The following FANCL variants were observed in gnomAD, a reference collection of about 807,000 sequenced individuals.
FANCL encodes E3 ubiquitin-protein ligase FANCL.
Under a neutral mutation model 59.4 loss-of-function variants are expected in FANCL, and 69 were observed. The ratio of observed to expected loss-of-function variants is 1.16; its 90% confidence interval spans 0.96 to 1.42. The LOEUF (loss-of-function observed/expected upper bound fraction) is 1.42, where lower values mean the gene tolerates loss of function less well. FANCL is among the 40% of genes most tolerant of loss of function. The probability of loss-of-function intolerance (pLI) is 0.00; values close to 1 mark genes in which losing one functional copy is unlikely to be tolerated. For missense variants in FANCL, 519 were observed against 447.2 expected (o/e 1.16, Z -1.45); for synonymous variants, 180 against 147.1 (o/e 1.22, Z -1.62).
At position 58,211,052 on chromosome 2, in the gene FANCL, T is replaced by C. The variant is rs542325969; in HGVS notation, c.375-6826A>G. 5.3e-5 allele frequency among the ~76,000 whole-genome samples: 8 copies of C among 152,298 alleles called. No homozygotes were observed. The South Asian group carries it at 1.7e-3, about 32-fold the overall frequency. The stretch of plus-strand genomic sequence containing the variant: ...GGTGGCCCTCTTCTCACAGCTACAC[T>C]AGGCGGTGCCTCAGTAGGGACTCTG... On this transcript the variant is annotated intron_variant, in intron 5 of 13. Coordinates refer to ENST00000233741, the MANE Select transcript of FANCL (RefSeq NM_018062.4).
At chr2:58,236,640 A>T (rs1239749504) in intron 1 of FANCL, among the ~76,000 whole-genome samples, 1 of 152,084 alleles carries the variant, frequency 6.6e-6, no homozygotes, top group Non-Finnish European at 1.5e-5. Context: ...ATGAATAACC[A>T]CGTTAAATGT....
intron 7 of FANCL, among the ~76,000 whole-genome samples, chr2:58,187,119 T>A (rs927740523): frequency 7.2e-5 from 11 of 152,130 alleles, no homozygotes; most frequent in African/African-American, 1.9e-4. Context: ...TGCACACATA[T>A]GTTTATTGCG....
At chr2:58,194,927 A>G (rs1024532802) in intron 7 of FANCL, among the ~76,000 whole-genome samples, 1 of 50,216 alleles carries the variant, frequency 2.0e-5, no homozygotes, top group Non-Finnish European at 3.2e-5. Context: ...ATTATATCAC[A>G]AAAAAAAAAG....
intron 11 of FANCL, 137 bp from the exon 12 acceptor site, chr2:58,161,775 A>G (rs1685218722): frequency 4.6e-6 from 3 of 656,870 alleles, no homozygotes; most frequent in Non-Finnish European, 8.3e-6. Context: ...TAAGATATTC[A>G]TCACCTCAAC....
At chr2:58,194,795 C>T (rs1040337548) in intron 7 of FANCL, among the ~76,000 whole-genome samples, 10 of 151,848 alleles carry the variant, frequency 6.6e-5, no homozygotes, top group African/African-American at 2.4e-4. Context: ...GTCAGAGCAG[C>T]AGCAGCAGAC....
At chr2:58,165,703 C>A (rs755502639) in intron 8 of FANCL, 21 bp downstream of exon 8, 9 of 1,613,926 alleles carry the variant, frequency 5.6e-6, no homozygotes, top group Non-Finnish European at 7.6e-6. Context: ...AAAACAAACC[C>A]TTAATCCTCC....
Position 58,159,317 on chromosome 2 carries a change from C to CT in FANCL, c.*447_*448insA, listed in dbSNP as rs1684665119. The CT allele has an allele frequency of 6.6e-7, 1 of 1,515,382 alleles. No individual in the cohort carries two copies. Among genetic ancestry groups the CT allele is most frequent in the South Asian group, 1.3e-5 (1 of 77,760 alleles). The allele number at this position is 1,515,382 out of a possible 1,614,324, so 93.9% of individuals were successfully genotyped here. A position where few individuals can be genotyped will look rare whatever the true frequency, so the allele number is the denominator to read the frequency against. On this transcript the variant is annotated 3_prime_UTR_variant, in exon 14 of 14. Transcript: ENST00000233741. ...AAATACTTGGATAACTCACGTCTAA[C>CT]AAACTAAACTATATATGTATTTTTT...
chr2:58,174,478 A>T (rs923914865), intron 7 of FANCL, among the ~76,000 whole-genome samples: 1 of 152,372 alleles, frequency 6.6e-6, no homozygotes, highest in South Asian at 2.1e-4. Flanking sequence ...CTCAGGATTA[A>T]GAAACTCACT....
chr2:58,181,604 G>C (rs1687945468), intron 7 of FANCL, among the ~76,000 whole-genome samples: 1 of 151,904 alleles, frequency 6.6e-6, no homozygotes, highest in South Asian at 2.1e-4. Context: ...ACTTTGTATA[G>C]AACTAAAAAT....
rs569778303 is a variant in FANCL at position 58,196,144 on chromosome 2, T to C, written c.540+2450A>G. Reference sequence around the variant, plus strand: ...TAATGTTAAAAAAAGAGACTGCAAATATGGCATAAACAAATATGGCAAAAA... The same window carrying C: ...TAATGTTAAAAAAAGAGACTGCAAACATGGCATAAACAAATATGGCAAAAA... On this transcript the variant is annotated intron_variant, in intron 7 of 13. Transcript: ENST00000233741. 7.2e-5 allele frequency among the ~76,000 whole-genome samples: 11 copies of C among 151,910 alleles called. No homozygotes were observed. In the South Asian group the frequency reaches 2.1e-3, roughly 29 times the overall value.
At chr2:58,186,428 A>G (rs1335819996) in intron 7 of FANCL, among the ~76,000 whole-genome samples, 3 of 152,178 alleles carry the variant, frequency 2.0e-5, no homozygotes, top group African/African-American at 7.2e-5. Context: ...TGTATGGGGA[A>G]AATTTATTGG....
rs761490451 is a variant in FANCL at position 58,204,239 on chromosome 2, G to A, written c.375-13C>T. 5.2e-5 allele frequency: 84 copies of A among 1,603,914 alleles called. No individual in the cohort carries two copies. The Admixed American group carries it at 1.4e-3, about 26-fold the overall frequency. ...CGCATACACAAGTCTGGTGAGCAGA[G>A]GAGAATAAAAAATGATCACACCGGG... On this transcript the variant is annotated splice_polypyrimidine_tract_variant and intron_variant, in intron 5 of 13. Coordinates refer to ENST00000233741, the MANE Select transcript of FANCL (RefSeq NM_018062.4).
intron 13 of FANCL, 125 bp from the exon 14 acceptor site, chr2:58,159,925 A>T: frequency 6.5e-7 from 1 of 1,534,480 alleles, no homozygotes; most frequent in East Asian, 2.3e-5. Context: ...CTGAAGTTTC[A>T]GATCACCTAG....
At chr2:58,205,946 G>A (rs944368562) in intron 5 of FANCL, among the ~76,000 whole-genome samples, 7 of 152,008 alleles carry the variant, frequency 4.6e-5, no homozygotes, top group East Asian at 1.9e-4. Context: ...TTATGTAGTC[G>A]TAAAAAATTA....
intron 5 of FANCL, among the ~76,000 whole-genome samples, chr2:58,212,913 C>T (rs1356651625): frequency 6.6e-6 from 1 of 152,090 alleles, no homozygotes; most frequent in African/African-American, 2.4e-5. Context: ...TTCCATATTT[C>T]TTTCTAAGGA....
At chr2:58,219,467 C>A (rs932056521) in intron 5 of FANCL, among the ~76,000 whole-genome samples, 2 of 151,650 alleles carry the variant, frequency 1.3e-5, no homozygotes, top group Non-Finnish European at 2.9e-5. Context: ...ACTGCCCACT[C>A]CTGAAGTGTG....
intron 3 of FANCL, among the ~76,000 whole-genome samples, chr2:58,228,983 G>T (rs971084049): frequency 6.6e-6 from 1 of 152,086 alleles, no homozygotes; most frequent in African/African-American, 2.4e-5. Context: ...AAAGAAAACA[G>T]AAATAATTTG....
chr2:58,192,997 T>C (rs192087780), intron 7 of FANCL, among the ~76,000 whole-genome samples: 65 of 152,044 alleles, frequency 4.3e-4, no homozygotes, highest in Admixed American at 1.0e-3. Flanking sequence ...ATTAAAAAGA[T>C]TGCATTAAAA....
intron 1 of FANCL, among the ~76,000 whole-genome samples, chr2:58,236,156 A>G (rs1468767340): frequency 6.6e-6 from 1 of 151,990 alleles, no homozygotes; most frequent in Non-Finnish European, 1.5e-5. Flanking sequence ...CTTACGGAGG[A>G]AAAACATGAA....
Sources: allele counts gnomAD v4.1 joint callset (sites outside exome capture counted in the v4.1 genomes callset), GRCh38; gene constraint gnomAD v4.1.1; transcripts MANE v1.5; gene names NCBI Gene and HGNC (gene_info 2026-07-23, HGNC 2026-07-21).